ADGRB3: variants seen among roughly 807,000 people sequenced by gnomAD.
The protein encoded by ADGRB3 is adhesion G protein-coupled receptor B3.
Under a neutral mutation model 193.4 loss-of-function variants are expected in ADGRB3, and 37 were observed. The ratio of observed to expected loss-of-function variants is 0.19; its 90% CI spans 0.15 to 0.25. The LOEUF is 0.25. Among genes scored for constraint, ADGRB3 ranks in the 10% least tolerant of loss-of-function variants. The pLI is 1.00. For missense variants in ADGRB3, 1,637 were observed against 1,852.9 expected (o/e 0.88, Z 2.14); for synonymous variants, 690 against 644.2 (o/e 1.07, Z -1.08).
At chr6:68,661,790 G>A (rs1297856183) in intron 3 of ADGRB3, among the ~76,000 whole-genome samples, 2 of 150,800 alleles carry the variant, frequency 1.3e-5, no homozygotes, top group Non-Finnish European at 1.5e-5. Context: ...TAGAGGTTGA[G>A]TGAAATTTAA....
intron 3 of ADGRB3, among the ~76,000 whole-genome samples, chr6:68,746,460 CAAAT>C (rs1766088103): frequency 6.6e-6 from 1 of 152,106 alleles, no homozygotes; most frequent in African/African-American, 2.4e-5. Context: ...TTTATATAAT[CAAAT>C]AAACTGGAAT....
At chr6:69,182,816 G>T (rs936933433) in intron 17 of ADGRB3, among the ~76,000 whole-genome samples, 2 of 152,048 alleles carry the variant, frequency 1.3e-5, no homozygotes, top group Admixed American at 1.3e-4. Flanking sequence ...ACCATGGCTG[G>T]TTTCAGGCTA....
At chr6:69,242,497 C>A (rs1412957577) in intron 20 of ADGRB3, among the ~76,000 whole-genome samples, 2 of 151,782 alleles carry the variant, frequency 1.3e-5, no homozygotes, top group African/African-American at 2.4e-5. Context: ...TGTTGATGTA[C>A]AGAATAGTTT....
rs563985117 is a variant in ADGRB3, at chr6:68,897,771, G to T, written c.758-32788G>T. 1.5e-5 allele frequency among the ~76,000 whole-genome samples: 2 copies of T among 134,186 alleles called. 1 individual carries two copies. Among genetic ancestry groups the T allele is most frequent in the Non-Finnish European group, 3.1e-5 (2 of 64,960 alleles). 88.0% of individuals were successfully genotyped at this position (134,186 alleles called of 152,430 possible). The stretch of plus-strand genomic sequence containing the variant: ...GAAGGGAGGGAGGAAAAGGGAGGGA[G>T]GAAGGAAGGAAGGAAGGGGGAAAGA... On this transcript the variant is annotated intron_variant, in intron 3 of 31. Coordinates refer to ENST00000370598, the MANE Select transcript of ADGRB3 (RefSeq NM_001704.3).
chr6:69,130,752 G>T (rs1161794269), intron 17 of ADGRB3, among the ~76,000 whole-genome samples: 1 of 151,916 alleles, frequency 6.6e-6, no homozygotes, highest in Admixed American at 6.6e-5. Flanking sequence ...AAATTCCAAT[G>T]TGGATCAGTA....
intron 3 of ADGRB3, among the ~76,000 whole-genome samples, chr6:68,699,420 T>C (rs1195069304): frequency 6.6e-6 from 1 of 152,126 alleles, no homozygotes; most frequent in African/African-American, 2.4e-5. Context: ...TAATTTGTTT[T>C]GAATACTGGC....
At chr6:68,942,761 A>G (rs1302221450) in intron 5 of ADGRB3, among the ~76,000 whole-genome samples, 2 of 151,990 alleles carry the variant, frequency 1.3e-5, no homozygotes, top group African/African-American at 4.8e-5. Flanking sequence ...CAGGCACACA[A>G]CACCATGCCC....
intron 17 of ADGRB3, among the ~76,000 whole-genome samples, chr6:69,105,473 G>C (rs1178079043): frequency 1.3e-5 from 2 of 152,054 alleles, no homozygotes; most frequent in Non-Finnish European, 2.9e-5. Context: ...CCTACTGTCA[G>C]TGTGAGTTCC....
intron 3 of ADGRB3, among the ~76,000 whole-genome samples, chr6:68,808,883 T>A (rs1481878134): frequency 6.6e-6 from 1 of 152,136 alleles, no homozygotes; most frequent in African/African-American, 2.4e-5. Context: ...ACACTGCGTG[T>A]TGTTAAAAGT....
chr6:68,899,048 A>G (rs1193660344), intron 3 of ADGRB3, among the ~76,000 whole-genome samples: 3 of 152,184 alleles, frequency 2.0e-5, no homozygotes, highest in Non-Finnish European at 4.4e-5. Flanking sequence ...AATAATATCA[A>G]TATTGGTTTA....
intron 20 of ADGRB3, among the ~76,000 whole-genome samples, chr6:69,247,211 T>C (rs1426815078): frequency 6.6e-6 from 1 of 152,206 alleles, no homozygotes; most frequent in East Asian, 1.9e-4. Flanking sequence ...ATGATGGGTC[T>C]GTAGGGCTTA....
At chr6:68,976,436 C>G (rs923041536) in intron 10 of ADGRB3, among the ~76,000 whole-genome samples, 1 of 151,824 alleles carries the variant, frequency 6.6e-6, no homozygotes, top group African/African-American at 2.4e-5. Flanking sequence ...ATACAGTTGA[C>G]CCTTGAATAA....
chr6:69,069,957 A>C (rs1441258194), intron 16 of ADGRB3, among the ~76,000 whole-genome samples: 1 of 152,058 alleles, frequency 6.6e-6, no homozygotes, highest in Non-Finnish European at 1.5e-5. Context: ...GCCATCTAAA[A>C]TTTAGGAAAT....
chr6:68,716,296 A>G (rs945972300), intron 3 of ADGRB3, among the ~76,000 whole-genome samples: 3 of 151,660 alleles, frequency 2.0e-5, no homozygotes, highest in Non-Finnish European at 3.0e-5. Flanking sequence ...AGATTTATTT[A>G]TTTATTTGGA....
At chr6:69,051,495 G>A (rs756562934) in intron 15 of ADGRB3, among the ~76,000 whole-genome samples, 24 of 152,164 alleles carry the variant, frequency 1.6e-4, no homozygotes, top group Admixed American at 1.5e-3. Context: ...CAACTAAATA[G>A]TGCTTAGATC....
chr6:68,656,493 A>T (rs1298163647), intron 3 of ADGRB3, among the ~76,000 whole-genome samples: 2 of 151,576 alleles, frequency 1.3e-5, no homozygotes, highest in African/African-American at 4.8e-5. Flanking sequence ...GAAAACCAGC[A>T]TGCAAAAATG....
chr6:69,028,950 A>G (rs983437626), intron 13 of ADGRB3, among the ~76,000 whole-genome samples: 1 of 152,216 alleles, frequency 6.6e-6, no homozygotes, highest in Non-Finnish European at 1.5e-5. Flanking sequence ...TATTCATGAT[A>G]CTATTTACTC....
intron 3 of ADGRB3, among the ~76,000 whole-genome samples, chr6:68,812,019 A>G (rs1398937888): frequency 6.6e-6 from 1 of 152,228 alleles, no homozygotes; most frequent in Non-Finnish European, 1.5e-5. Flanking sequence ...GCCACATTAG[A>G]ATTATTTAAC....
At chr6:69,262,991 C>T (rs1766963160) in intron 20 of ADGRB3, among the ~76,000 whole-genome samples, 1 of 151,856 alleles carries the variant, frequency 6.6e-6, no homozygotes, top group South Asian at 2.1e-4. Context: ...CAAAAAGGAA[C>T]CATTTTAAAT....
Sources: gnomAD v4.1 joint callset for allele counts (sites outside exome capture counted in the v4.1 genomes callset) on GRCh38, gnomAD v4.1.1 for gene constraint, MANE v1.5 for transcripts, NCBI Gene and HGNC (gene_info 2026-07-23, HGNC 2026-07-21) for gene names.